The following STK33 variants were observed in gnomAD, a reference collection of about 807,000 sequenced individuals.
STK33 encodes serine/threonine-protein kinase 33.
STK33 carries 52 observed loss-of-function variants against 58.0 expected under a neutral mutation model. The ratio of observed to expected loss-of-function variants is 0.90; its 90% CI spans 0.72 to 1.13. The LOEUF (loss-of-function observed/expected upper bound fraction) is 1.13, where lower values mean the gene tolerates loss of function less well. STK33 is among the 50% of genes most tolerant of loss of function. STK33 has a pLI of 0.00. For missense variants in STK33, 630 were observed against 604.2 expected, an observed-to-expected ratio of 1.04 and a Z score of -0.45; for synonymous variants, 215 against 200.1, an observed-to-expected ratio of 1.07 and a Z score of -0.63.
chr11:8,394,173 C>A (rs1277092751), intron 15 of STK33, among the ~76,000 whole-genome samples: 1 of 152,126 alleles, frequency 6.6e-6, no homozygotes, highest in Non-Finnish European at 1.5e-5. Flanking sequence ...AGTATTCCCT[C>A]ACATAGGTTG....
At chr11:8,397,412 G>C (rs899763642) in intron 15 of STK33, among the ~76,000 whole-genome samples, 1 of 152,188 alleles carries the variant, frequency 6.6e-6, no homozygotes, top group Admixed American at 6.5e-5. Context: ...CTGACTGTTA[G>C]AATAAAAACT....
the STK33 span, among the ~76,000 whole-genome samples, chr11:8,358,277 G>A: frequency 6.8e-6 from 1 of 147,920 alleles, no homozygotes; most frequent in East Asian, 2.1e-4. Flanking sequence ...CCAGCTTGGG[G>A]TGGGGGGGCA....
intron 15 of STK33, among the ~76,000 whole-genome samples, chr11:8,402,386 G>A (rs1375918403): frequency 6.6e-6 from 1 of 152,030 alleles, no homozygotes; most frequent in African/African-American, 2.4e-5. Context: ...AACACCACGT[G>A]TTCTCACTCA....
rs528848076 is a variant in STK33 at position 8,570,753 on chromosome 11, TG to T, written c.-466+23329del. On this transcript the variant is annotated intron_variant, in intron 1 of 15. Transcript: ENST00000687296. ...CATTAAAACGGACATAAGGGAATTT[TG>T]GGGGGGTGATGGATATGTTCACTAT... 2.0e-5 allele frequency among the ~76,000 whole-genome samples: 3 copies of T among 152,156 alleles called. No homozygotes were observed. The East Asian group carries it at 5.8e-4, about 29-fold the overall frequency.
chr11:8,358,474 G>A, the STK33 span, among the ~76,000 whole-genome samples: 2 of 152,216 alleles, frequency 1.3e-5, no homozygotes, highest in African/African-American at 2.4e-5. Flanking sequence ...TCCGGCCAAG[G>A]TCTAACCGTC....
intron 12 of STK33, among the ~76,000 whole-genome samples, chr11:8,436,443 G>A (rs1944079088): frequency 6.6e-6 from 1 of 152,098 alleles, no homozygotes; most frequent in Admixed American, 6.6e-5. Context: ...GCTTAAATGG[G>A]GTTAAAATAC....
chr11:8,398,433 G>T (rs11820312), intron 15 of STK33, among the ~76,000 whole-genome samples: 1 of 152,060 alleles, frequency 6.6e-6, no homozygotes, highest in African/African-American at 2.4e-5. Flanking sequence ...TCACCACCAG[G>T]CCTGCCCTAA....
At chr11:8,511,915 ATATTT>A (rs1241482036) in intron 1 of STK33, among the ~76,000 whole-genome samples, 1 of 152,098 alleles carries the variant, frequency 6.6e-6, no homozygotes, top group Non-Finnish European at 1.5e-5. Flanking sequence ...CAAAACAGTA[ATATTT>A]TAAAGTATTG....
the STK33 span, among the ~76,000 whole-genome samples, chr11:8,365,374 C>G: frequency 6.6e-6 from 1 of 152,338 alleles, no homozygotes; most frequent in East Asian, 1.9e-4. Flanking sequence ...CTTTCAGCAA[C>G]ACTCAGCTCA....
the STK33 span, among the ~76,000 whole-genome samples, chr11:8,378,606 C>T: frequency 6.6e-6 from 1 of 152,168 alleles, no homozygotes; most frequent in South Asian, 2.1e-4. Context: ...AGAATAAATG[C>T]CCTCATGATT....
chr11:8,463,239 T>G (rs1366870585), intron 7 of STK33, among the ~76,000 whole-genome samples: 6 of 152,166 alleles, frequency 3.9e-5, no homozygotes, highest in Non-Finnish European at 8.8e-5. Context: ...TGAACCAGGG[T>G]TGCGGGAGAG....
At chr11:8,449,545 C>T (rs1481133275) in intron 11 of STK33, among the ~76,000 whole-genome samples, 6 of 150,304 alleles carry the variant, frequency 4.0e-5, no homozygotes, top group Non-Finnish European at 7.4e-5. Flanking sequence ...AAAAACCAAA[C>T]ACCGCATGTT....
At chr11:8,496,563 C>G (rs945802871) in intron 1 of STK33, among the ~76,000 whole-genome samples, 2 of 151,754 alleles carry the variant, frequency 1.3e-5, no homozygotes, top group Admixed American at 6.6e-5. Flanking sequence ...TTAAAATAAG[C>G]CTGTGTGATA....
intron 1 of STK33, among the ~76,000 whole-genome samples, chr11:8,540,703 A>C (rs1401721152): frequency 6.6e-6 from 1 of 152,124 alleles, no homozygotes; most frequent in Non-Finnish European, 1.5e-5. Flanking sequence ...GAGTTCAAAT[A>C]CACAGAGCAC....
At chr11:8,459,833 G>A (rs116058441) in intron 8 of STK33, among the ~76,000 whole-genome samples, 156 of 152,244 alleles carry the variant, frequency 1.0e-3, no homozygotes, top group African/African-American at 3.7e-3. Context: ...AATTCTTCAG[G>A]AGAGCATGAA....
At chr11:8,520,952 A>C (rs916218736) in intron 1 of STK33, among the ~76,000 whole-genome samples, 3 of 151,768 alleles carry the variant, frequency 2.0e-5, no homozygotes, top group Non-Finnish European at 4.4e-5. Flanking sequence ...AAATGAAATG[A>C]TTTCTAATGA....
intron 1 of STK33, among the ~76,000 whole-genome samples, chr11:8,496,119 AAAAG>A (rs2138916816): frequency 6.7e-6 from 1 of 150,190 alleles, no homozygotes; most frequent in East Asian, 1.9e-4. Context: ...TTTGAAAAAG[AAAAG>A]AAAAAGAAAA....
At chr11:8,459,576 A>T (rs1252595941) in intron 8 of STK33, among the ~76,000 whole-genome samples, 1 of 152,176 alleles carries the variant, frequency 6.6e-6, no homozygotes, top group Non-Finnish European at 1.5e-5. Flanking sequence ...AGCATAGGGT[A>T]GTTATTCCTG....
chr11:8,454,003 CACTACTTCAGGT>C (rs370433725), intron 10 of STK33, among the ~76,000 whole-genome samples: 67 of 152,286 alleles, frequency 4.4e-4, no homozygotes, highest in African/African-American at 1.4e-3. Flanking sequence ...ATGTTCCAGG[CACTACTTCAGGT>C]ACTAAGTGAA....
Sources: gnomAD v4.1 joint callset for allele counts (sites outside exome capture counted in the v4.1 genomes callset) on GRCh38, gnomAD v4.1.1 for gene constraint, MANE v1.5 for transcripts, NCBI Gene and HGNC (gene_info 2026-07-23, HGNC 2026-07-21) for gene names.